The following LSS variants were observed in gnomAD, a reference collection of about 807,000 sequenced individuals.
The protein encoded by LSS is 2,3-epoxysqualene-lanosterol cyclase.
LSS carries 90 observed loss-of-function variants against 110.3 expected under a neutral mutation model. The ratio of observed to expected loss-of-function variants is 0.82; its 90% CI spans 0.69 to 0.97. The LOEUF (loss-of-function observed/expected upper bound fraction) is 0.97, where lower values mean the gene tolerates loss of function less well. Ranked by LOEUF, LSS falls within the 50% of genes least tolerant of loss-of-function variation. The probability of loss-of-function intolerance (pLI) is 0.00; values close to 1 mark genes in which losing one functional copy is unlikely to be tolerated. For missense variants in LSS, 927 were observed against 990.0 expected (o/e 0.94, Z 0.85); for synonymous variants, 433 against 400.0 (o/e 1.08, Z -0.98).
At chr21:46,201,946 C>T (rs553530355) in intron 17 of LSS, among the ~76,000 whole-genome samples, 13 of 150,714 alleles carry the variant, frequency 8.6e-5, no homozygotes, top group East Asian at 8.2e-4. Context: ...TACAAGCGCC[C>T]GCCACCACGC....
intron 5 of LSS, among the ~76,000 whole-genome samples, chr21:46,221,279 G>C (rs1410664602): frequency 6.6e-6 from 1 of 152,190 alleles, no homozygotes; most frequent in African/African-American, 2.4e-5. Flanking sequence ...GCCCCCAGAA[G>C]GTGGACATAT....
In LSS at chr21:46,194,530, T is replaced by C; in HGVS notation, c.1949A>G (p.His650Arg). The C allele has an allele frequency of 6.2e-7, 1 of 1,613,878 alleles. No homozygotes were observed. The highest frequency in any genetic ancestry group is 1.1e-5 in the South Asian group (1 of 91,090). The change falls in exon 20 of 22, where the codon CAT becomes CGT. Residue 650 changes from histidine to arginine, a missense_variant. Physicochemically the swap from His to Arg is conservative, Grantham distance 29. Transcript: ENST00000397728. ...RYLQSAQSQI[H>R]NTCWAMMGLM... ...CCCCATCATGGCCCAGCATGTGTTA[T>C]GGATCTGGGACTGGGCACTCTGCAA... is the stretch of plus-strand genomic sequence containing the variant.
In LSS at chr21:46,216,622, T is replaced by C; in HGVS notation, c.648-98A>G. ...GGGCCCTTTCAAGCACGAACACTGGTGGATGGCTATTCCCCACCACGTCAG... is the reference window on the plus strand; with the variant it reads ...GGGCCCTTTCAAGCACGAACACTGGCGGATGGCTATTCCCCACCACGTCAG... On this transcript the variant is annotated intron_variant, in intron 6 of 21. Coordinates refer to ENST00000397728, the MANE Select transcript of LSS (RefSeq NM_002340.6). The surrounding 1 kb of genome is among the most constrained non-coding windows in gnomAD (Gnocchi z 4.2). 1 of 1,376,952 alleles carries C rather than the reference T, an allele frequency of 7.3e-7. No individual in the cohort carries two copies. Among genetic ancestry groups the C allele is most frequent in the East Asian group, 2.5e-5 (1 of 39,398 alleles). 85.3% of individuals were successfully genotyped at this position (1,376,952 alleles called of 1,614,324 possible). A position where few individuals can be genotyped will look rare whatever the true frequency, so the allele number is the denominator to read the frequency against.
chr21:46,211,865 A>G (rs1388895747), intron 11 of LSS, among the ~76,000 whole-genome samples: 1 of 151,758 alleles, frequency 6.6e-6, no homozygotes, highest in Non-Finnish European at 1.5e-5. Flanking sequence ...CTCAAAGACC[A>G]ACAACTGAAG....
Position 46,209,132 on chromosome 21 carries a change from A to C in LSS, c.1266+422T>G, listed in dbSNP as rs566825798. Among the ~76,000 whole-genome samples, 7 of 152,226 alleles carry C rather than the reference A, an allele frequency of 4.6e-5. No homozygotes were observed. The highest frequency in any genetic ancestry group is 2.4e-5 in the African/African-American group (1 of 41,540). On this transcript the variant is annotated intron_variant, in intron 13 of 21. Transcript: ENST00000397728. The surrounding 1 kb of genome is among the most constrained non-coding windows in gnomAD (Gnocchi z 4.4). ...GTCTGTGGGCAGCTGATCTGGCAGG[A>C]GGGACCGGGGCTTTTGCTGCAAACA...
rs780245408 is a variant in LSS, at chr21:46,191,130, C to G, written c.2173G>C (p.Glu725Gln). The change falls in exon 22 of 22, where the codon GAG (glutamate) becomes CAG (glutamine). Residue 725 changes from glutamate to glutamine, a missense_variant. By Grantham distance (29) the Glu-to-Gln change is conservative. Coordinates refer to ENST00000397728, the MANE Select transcript of LSS (RefSeq NM_002340.6). ...ALGRFSQLYP[E>Q]RALAGHP is the part of the protein sequence containing the mutation. ...CAGGGGTGGCCAGCAAGGGCTCTCT[C>G]AGGGTACAGCTGGGAGAAGCGGCCG... The G allele has an allele frequency of 1.2e-6, 2 of 1,614,178 alleles. No individual in the cohort carries two copies. Among genetic ancestry groups the G allele is most frequent in the South Asian group, 2.2e-5 (2 of 91,088 alleles).
intron 15 of LSS, 97 bp from the exon 16 acceptor site, chr21:46,206,865 G>T: frequency 1.2e-6 from 1 of 864,924 alleles, no homozygotes; most frequent in Non-Finnish European, 1.9e-6. Flanking sequence ...CACTAGGGCT[G>T]ACAACCGATG....
chr21:46,198,680 C>A (rs1417294803), intron 17 of LSS, among the ~76,000 whole-genome samples: 1 of 152,030 alleles, frequency 6.6e-6, no homozygotes, highest in African/African-American at 2.4e-5. Flanking sequence ...CTGAGAAGAA[C>A]AAACAGATCA....
At chr21:46,223,100 T>TC (rs1271916225) in intron 3 of LSS, among the ~76,000 whole-genome samples, 1 of 152,230 alleles carries the variant, frequency 6.6e-6, no homozygotes, top group Admixed American at 6.5e-5. Context: ...CAGTGGGCCT[T>TC]CCATGAGGGG....
intron 4 of LSS, 132 bp downstream of exon 4, chr21:46,222,498 C>T: frequency 1.4e-6 from 1 of 733,782 alleles, no homozygotes; most frequent in Admixed American, 2.5e-5. Context: ...GCTAGTCTCT[C>T]CCTCACCCAC....
chr21:46,212,937 G>T, intron 11 of LSS, 88 bp downstream of exon 11: 1 of 1,501,312 alleles, frequency 6.7e-7, no homozygotes, highest in Non-Finnish European at 9.3e-7. Flanking sequence ...TGGTCCAGGA[G>T]GAGTTATTTC....
chr21:46,193,951 C>T (rs1383703521), intron 20 of LSS, among the ~76,000 whole-genome samples: 47 of 151,860 alleles, frequency 3.1e-4, no homozygotes, highest in Admixed American at 1.5e-3. Flanking sequence ...TGTGTGGACA[C>T]AGGTGCCTGT....
chr21:46,216,278 G>T lies in LSS; in HGVS notation c.783+111C>A. 1 of 1,392,804 alleles carries T rather than the reference G, an allele frequency of 7.2e-7. No homozygotes were observed. Among genetic ancestry groups the T allele is most frequent in the Non-Finnish European group, 1.0e-6 (1 of 995,396 alleles). 86.3% of individuals were successfully genotyped at this position (1,392,804 alleles called of 1,614,324 possible). ...GAGGCTCTGCTCCACAGGGCTCTCC[G>T]CTCCACAGGGCCACCAGGTGAGTGG... On this transcript the variant is annotated intron_variant, in intron 7 of 21. Transcript: ENST00000397728. This position sits in a 1 kb window ranked among gnomAD's most constrained non-coding sequence, Gnocchi z 4.2.
At chr21:46,225,331 T>C (rs2080324040) in intron 3 of LSS, 1 of 446,276 alleles carries the variant, frequency 2.2e-6, no homozygotes, top group Admixed American at 2.4e-5. Context: ...GAGGGCTCCT[T>C]GGTCTAGCGG....
chr21:46,201,810 T>TAA (rs1240833009), intron 17 of LSS, among the ~76,000 whole-genome samples: 4 of 151,400 alleles, frequency 2.6e-5, no homozygotes, highest in Non-Finnish European at 5.9e-5. Context: ...TCTTTTTTTT[T>TAA]TTTTTGAGAC....
At position 46,213,122 on chromosome 21, in the gene LSS, G is replaced by A. The variant is rs1229865264; in HGVS notation, c.1110-70C>T. The A allele has an allele frequency of 4.2e-6, 6 of 1,440,978 alleles. No individual in the cohort carries two copies. The African/African-American group carries it at 7.0e-5, about 17-fold the overall frequency. 89.3% of individuals were successfully genotyped at this position (1,440,978 alleles called of 1,614,324 possible). On this transcript the variant is annotated intron_variant, in intron 10 of 21. Transcript: ENST00000397728. ...GAAGCCCAGCTGCTACCCAGACCCT[G>A]CACTCAGGAGGGTCCCAGAGAGGCC... is the stretch of plus-strand genomic sequence containing the variant.
chr21:46,225,672 A>G (rs1302014517), intron 3 of LSS, among the ~76,000 whole-genome samples: 1 of 152,174 alleles, frequency 6.6e-6, no homozygotes, highest in African/African-American at 2.4e-5. Flanking sequence ...AAGTACTAAA[A>G]GTCTCTGATA....
Position 46,221,831 on chromosome 21 carries a change from AGCACATGCT to A in LSS, c.550+14_550+22del. 3 of 1,613,722 alleles carry A rather than the reference AGCACATGCT, an allele frequency of 1.9e-6. No homozygotes were observed. Among genetic ancestry groups the A allele is most frequent in the Non-Finnish European group, 2.5e-6 (3 of 1,179,970 alleles). On this transcript the variant is annotated intron_variant, in intron 5 of 21. Coordinates refer to ENST00000397728, the MANE Select transcript of LSS (RefSeq NM_002340.6). ...TCGAGTTGACACGAACCCCTGGCCC[AGCACATGCT>A]GCACATGCCGTACCTTTCTTGTGAA... is the stretch of plus-strand genomic sequence containing the variant.
chr21:46,208,194 T>C, intron 14 of LSS, 57 bp downstream of exon 14: 8 of 1,514,976 alleles, frequency 5.3e-6, no homozygotes, highest in Non-Finnish European at 7.2e-6. Context: ...GGACCCACCC[T>C]GCTGAGGGCG....
Sources: allele counts gnomAD v4.1 joint callset (sites outside exome capture counted in the v4.1 genomes callset), GRCh38; gene constraint gnomAD v4.1.1; non-coding constraint Gnocchi (gnomAD v3.1); transcripts MANE v1.5; gene names NCBI Gene and HGNC (gene_info 2026-07-23, HGNC 2026-07-21).